Variants in RGS6 observed in about 807,000 individuals in gnomAD.
The protein encoded by RGS6 is regulator of G-protein signaling 6.
A neutral mutation model predicts 78.5 loss-of-function variants in RGS6; 30 were observed. That is an observed-to-expected ratio of 0.38 (90% confidence interval 0.29 to 0.52). The LOEUF (loss-of-function observed/expected upper bound fraction) is 0.52, where lower values mean the gene tolerates loss of function less well. Ranked by LOEUF, RGS6 falls within the 20% of genes least tolerant of loss-of-function variation. The pLI is 0.85. For synonymous variants in RGS6, 206 were observed against 206.0 expected (o/e 1.00, Z 0.00); for missense variants, 495 against 609.7 (o/e 0.81, Z 1.98).
chr14:72,138,792 G>C (rs1029366922), intron 2 of RGS6, among the ~76,000 whole-genome samples: 1 of 152,098 alleles, frequency 6.6e-6, no homozygotes, highest in Non-Finnish European at 1.5e-5. Context: ...CTCCTTATGA[G>C]AATCTAATGC....
the RGS6 span, among the ~76,000 whole-genome samples, chr14:71,886,975 C>A: frequency 6.6e-6 from 1 of 152,104 alleles, no homozygotes; most frequent in East Asian, 1.9e-4. Context: ...CATGGTGAAA[C>A]CCCATCTCTA....
intron 2 of RGS6, among the ~76,000 whole-genome samples, chr14:72,283,712 C>T (rs2061983965): frequency 6.6e-6 from 1 of 152,114 alleles, no homozygotes; most frequent in African/African-American, 2.4e-5. Flanking sequence ...TGGACTAATA[C>T]AGTAAATTGG....
intron 12 of RGS6, among the ~76,000 whole-genome samples, chr14:72,486,969 C>A (rs2096497953): frequency 6.6e-6 from 1 of 152,018 alleles, no homozygotes; most frequent in Admixed American, 6.5e-5. Flanking sequence ...CTTTGGCTAC[C>A]CCAGCTGTGA....
At position 72,398,861 on chromosome 14, in the gene RGS6, T is replaced by C. The variant is rs548882830; in HGVS notation, c.184+46667T>C. ...TTCAGTTTCCATGTAGTTGAGCGGT[T>C]TTGAGTGAATTTCTTAATCCTGAGT... On this transcript the variant is annotated intron_variant, in intron 3 of 17. Transcript: ENST00000553525. Among the ~76,000 whole-genome samples the C allele has an allele frequency of 1.8e-3, 276 of 152,302 alleles. 2 individuals are homozygous for C. Among genetic ancestry groups the C allele is most frequent in the African/African-American group, 6.5e-3 (270 of 41,558 alleles).
chr14:72,481,480 T>C (rs891516907), intron 12 of RGS6, among the ~76,000 whole-genome samples: 1 of 152,192 alleles, frequency 6.6e-6, no homozygotes, highest in African/African-American at 2.4e-5. Flanking sequence ...GACCTTGCAC[T>C]GCATGTCTCC....
chr14:72,253,649 A>T (rs867702007), intron 2 of RGS6, among the ~76,000 whole-genome samples: 1 of 152,104 alleles, frequency 6.6e-6, no homozygotes, highest in African/African-American at 2.4e-5. Flanking sequence ...TTGAAGTTGG[A>T]TGTGGCCAGT....
rs1393848230 is a variant in RGS6 at position 72,474,665 on chromosome 14, G to T, written c.659G>T (p.Cys220Phe). The T allele has an allele frequency of 1.2e-6, 2 of 1,613,548 alleles. No individual in the cohort carries two copies. The highest frequency in any genetic ancestry group is 2.2e-5 in the South Asian group (2 of 90,912). ...VNTTEMDIRKCRRLKNPQKVK... is the reference protein window; with the variant it reads ...VNTTEMDIRKFRRLKNPQKVK... ...ACAACAGAAATGGATATCCGAAAAT[G>T]TCGACGTTTGAAGAATCCACAAAAG... The change falls in exon 10 of 18, where the codon TGT becomes TTT. Residue 220 changes from cysteine (C) to phenylalanine (F), a missense_variant. Transcript: ENST00000553525.
At chr14:72,025,570 G>C (rs777971806) in intron 2 of RGS6, among the ~76,000 whole-genome samples, 9 of 152,094 alleles carry the variant, frequency 5.9e-5, no homozygotes, top group Non-Finnish European at 1.3e-4. Flanking sequence ...GAGCCTCTTA[G>C]AGTCTTTTAT....
the RGS6 span, among the ~76,000 whole-genome samples, chr14:71,918,213 A>G: frequency 6.8e-6 from 1 of 147,368 alleles, no homozygotes; most frequent in African/African-American, 2.5e-5. Flanking sequence ...AAAAAAAAAA[A>G]AAAAAAAAAG....
intron 2 of RGS6, among the ~76,000 whole-genome samples, chr14:72,319,553 C>T (rs989172240): frequency 2.0e-5 from 3 of 151,910 alleles, no homozygotes; most frequent in African/African-American, 7.3e-5. Context: ...TGGGGTTTTA[C>T]TATGGTCTCG....
chr14:72,349,501 A>C (rs894483908), intron 2 of RGS6, among the ~76,000 whole-genome samples: 1 of 152,218 alleles, frequency 6.6e-6, no homozygotes, highest in Non-Finnish European at 1.5e-5. Context: ...TCAGGTGTAT[A>C]TTAATACCAT....
At chr14:72,448,826 A>G (rs1333927726) in intron 3 of RGS6, among the ~76,000 whole-genome samples, 7 of 152,244 alleles carry the variant, frequency 4.6e-5, no homozygotes, top group Non-Finnish European at 1.0e-4. Context: ...TATAGTGGAA[A>G]TAATATTTGG....
chr14:72,159,232 G>A (rs975882964), intron 2 of RGS6, among the ~76,000 whole-genome samples: 41 of 152,152 alleles, frequency 2.7e-4, no homozygotes, highest in Non-Finnish European at 1.5e-4. Context: ...AACCATCTCA[G>A]GGCATATGGC....
At chr14:72,189,774 G>T (rs539107078) in intron 2 of RGS6, among the ~76,000 whole-genome samples, 1 of 152,032 alleles carries the variant, frequency 6.6e-6, no homozygotes, top group Non-Finnish European at 1.5e-5. Context: ...TTGTCTTATT[G>T]GTCTTTCTAG....
chr14:72,537,468 G>GTATCCCAGTTGTCAGCAGCTCTCTGGGT (rs1333145024), intron 16 of RGS6: 1 of 702,196 alleles, frequency 1.4e-6, no homozygotes, highest in African/African-American at 1.7e-5. Flanking sequence ...GACTTCTGGG[G>GTATCCCAGTTGTCAGCAGCTCTCTGGGT]TATCCCAGTT....
At chr14:72,025,103 GT>G (rs1285889446) in intron 2 of RGS6, among the ~76,000 whole-genome samples, 4 of 152,196 alleles carry the variant, frequency 2.6e-5, no homozygotes, top group Non-Finnish European at 5.9e-5. Context: ...GAAAGAGGGA[GT>G]TTGAGAGAGC....
chr14:72,148,214 C>T (rs1468947448), intron 2 of RGS6, among the ~76,000 whole-genome samples: 2 of 147,232 alleles, frequency 1.4e-5, no homozygotes, highest in Non-Finnish European at 3.0e-5. Flanking sequence ...GGCAACATAG[C>T]AAGAACCCAT....
intron 3 of RGS6, among the ~76,000 whole-genome samples, chr14:72,431,091 C>T (rs2094610994): frequency 6.6e-6 from 1 of 152,102 alleles, no homozygotes. Context: ...AGCATGTATA[C>T]TATACAGGGC....
At chr14:72,618,737 T>C in the RGS6 span, among the ~76,000 whole-genome samples, 1 of 152,126 alleles carries the variant, frequency 6.6e-6, no homozygotes, top group African/African-American at 2.4e-5. Context: ...GGCAACTCTT[T>C]GTCTCCACAG....
Sources: gnomAD v4.1 joint callset for allele counts (sites outside exome capture counted in the v4.1 genomes callset) on GRCh38, gnomAD v4.1.1 for gene constraint, MANE v1.5 for transcripts, NCBI Gene and HGNC (gene_info 2026-07-23, HGNC 2026-07-21) for gene names.